Variants in FNBP1 observed in about 807,000 individuals in gnomAD.
The protein encoded by FNBP1 is formin binding protein 1, also known as formin-binding protein 1.
FNBP1 carries 26 observed loss-of-function variants against 90.6 expected under a neutral mutation model. The ratio of observed to expected loss-of-function variants is 0.29; its 90% CI spans 0.21 to 0.40. FNBP1 has a LOEUF of 0.40. Ranked by LOEUF, FNBP1 falls within the 10% of genes least tolerant of loss-of-function variation. The pLI is 1.00. For missense variants in FNBP1, 635 were observed against 768.0 expected (o/e 0.83, Z 2.05); for synonymous variants, 260 against 265.2 (o/e 0.98, Z 0.19).
chr9:130,010,647 A>G (rs2056416725), intron 1 of FNBP1, among the ~76,000 whole-genome samples: 2 of 152,012 alleles, frequency 1.3e-5, no homozygotes, highest in Admixed American at 1.3e-4. Flanking sequence ...CTTTTTGATG[A>G]CAATTTCTCA....
chr9:129,958,827 G>A (rs2047337974), intron 4 of FNBP1, among the ~76,000 whole-genome samples: 1 of 150,684 alleles, frequency 6.6e-6, no homozygotes, highest in Non-Finnish European at 1.5e-5. Context: ...CAAAAAAATA[G>A]AAAAATTAGC....
chr9:129,936,710 G>C (rs772211904), intron 6 of FNBP1, among the ~76,000 whole-genome samples: 1 of 152,152 alleles, frequency 6.6e-6, no homozygotes, highest in South Asian at 2.1e-4. Flanking sequence ...GACGTGGCCA[G>C]GTAAATGAGA....
chr9:130,045,452 A>G (rs1264574012), upstream of FNBP1, among the ~76,000 whole-genome samples: 3 of 152,210 alleles, frequency 2.0e-5, no homozygotes, highest in Non-Finnish European at 4.4e-5. Flanking sequence ...AAAAACAGTG[A>G]CCACTTGTGA....
At chr9:129,969,667 T>C (rs929853944) in intron 4 of FNBP1, among the ~76,000 whole-genome samples, 1 of 151,924 alleles carries the variant, frequency 6.6e-6, no homozygotes, top group Non-Finnish European at 1.5e-5. Context: ...CCCAGCACTT[T>C]GAAAGGCCGA....
chr9:129,972,169 G>A (rs1293774310), intron 4 of FNBP1, among the ~76,000 whole-genome samples: 2 of 151,812 alleles, frequency 1.3e-5, no homozygotes, highest in Admixed American at 6.6e-5. Flanking sequence ...AGTCTTGCTC[G>A]GTCGCCCAGG....
chr9:130,028,997 C>T (rs1203542838), intron 1 of FNBP1, among the ~76,000 whole-genome samples: 2 of 152,212 alleles, frequency 1.3e-5, no homozygotes, highest in Non-Finnish European at 2.9e-5. Flanking sequence ...TTCTCCGTCT[C>T]ATTCCCTTGT....
At chr9:129,936,933 G>A (rs961965126) in intron 6 of FNBP1, among the ~76,000 whole-genome samples, 1 of 152,216 alleles carries the variant, frequency 6.6e-6, no homozygotes, top group African/African-American at 2.4e-5. Context: ...ACTTTGGGAG[G>A]CTGAGGCAGG....
intron 15 of FNBP1, among the ~76,000 whole-genome samples, chr9:129,896,652 TTG>T (rs1220206726): frequency 3.3e-5 from 5 of 149,776 alleles, no homozygotes; most frequent in Admixed American, 1.3e-4. Context: ...AATTTTTTTG[TTG>T]TTGTTGTTTG....
Position 129,889,638 on chromosome 9 carries a change from C to T in FNBP1, c.*901G>A. 1 of 229,072 alleles carries T rather than the reference C, an allele frequency of 4.4e-6. No individual in the cohort carries two copies. Among genetic ancestry groups the T allele is most frequent in the Non-Finnish European group, 8.7e-6 (1 of 115,536 alleles). The allele number at this position is 229,072 out of a possible 1,614,324, so 14.2% of individuals were successfully genotyped here. ...TTTTCAGATGCTAATCCTGGGGCTCCTGGAAAGGAGAGGATGTTCGCTTTG... is the reference window on the plus strand; with the variant it reads ...TTTTCAGATGCTAATCCTGGGGCTCTTGGAAAGGAGAGGATGTTCGCTTTG... On this transcript the variant is annotated 3_prime_UTR_variant, in exon 17 of 17. Coordinates refer to ENST00000446176, the MANE Select transcript of FNBP1 (RefSeq NM_015033.3).
intron 4 of FNBP1, among the ~76,000 whole-genome samples, chr9:129,965,737 GAA>G (rs1564453150): frequency 1.5e-5 from 2 of 131,948 alleles, no homozygotes; most frequent in East Asian, 5.2e-4. Flanking sequence ...GAAAGAAAAA[GAA>G]AAGAAGAAAG....
At chr9:129,959,031 T>C (rs1391411764) in intron 4 of FNBP1, among the ~76,000 whole-genome samples, 1 of 83,272 alleles carries the variant, frequency 1.2e-5, no homozygotes, top group Non-Finnish European at 2.5e-5. Flanking sequence ...AAAAGCTTAA[T>C]GTGGAAACGA....
intron 2 of FNBP1, among the ~76,000 whole-genome samples, chr9:129,989,933 G>A (rs1448924374): frequency 3.9e-5 from 6 of 152,080 alleles, no homozygotes; most frequent in Non-Finnish European, 4.4e-5. Context: ...AGCTACTTGG[G>A]AGGCTGTGGT....
chr9:130,037,791 G>A (rs1192737938), intron 1 of FNBP1, among the ~76,000 whole-genome samples: 2 of 152,092 alleles, frequency 1.3e-5, no homozygotes, highest in Non-Finnish European at 2.9e-5. Context: ...TTTTACAACT[G>A]CCGAAGTGCA....
intron 1 of FNBP1, among the ~76,000 whole-genome samples, chr9:130,022,991 CA>C (rs1431733632): frequency 2.0e-5 from 3 of 151,818 alleles, no homozygotes; most frequent in Middle Eastern, 3.4e-3. Context: ...AAAACAAAAA[CA>C]AAAAACAGAA....
intron 15 of FNBP1, among the ~76,000 whole-genome samples, chr9:129,899,170 C>T (rs1053997633): frequency 1.3e-5 from 2 of 151,804 alleles, no homozygotes; most frequent in East Asian, 2.0e-4. Context: ...CTCCGCCTCC[C>T]GGGTTCAAGT....
intron 9 of FNBP1, among the ~76,000 whole-genome samples, 161 bp downstream of exon 9, chr9:129,924,799 C>T (rs540756131): frequency 6.6e-6 from 1 of 152,230 alleles, no homozygotes; most frequent in South Asian, 2.1e-4. Context: ...GGCAAAGATA[C>T]CACCACCAAA....
At chr9:129,915,563 C>T (rs903364695) in intron 11 of FNBP1, among the ~76,000 whole-genome samples, 2 of 152,102 alleles carry the variant, frequency 1.3e-5, no homozygotes, top group Non-Finnish European at 2.9e-5. Flanking sequence ...GGGGTTTCAC[C>T]GTGTTGCCCG....
chr9:129,908,523 C>CT (rs1478919551), intron 12 of FNBP1, among the ~76,000 whole-genome samples: 1 of 147,424 alleles, frequency 6.8e-6, no homozygotes, highest in African/African-American at 2.5e-5. Context: ...AATTTCTTTT[C>CT]TTTTAATTTT....
intron 11 of FNBP1, among the ~76,000 whole-genome samples, chr9:129,911,512 G>C (rs2039270589): frequency 6.6e-6 from 1 of 152,186 alleles, no homozygotes; most frequent in African/African-American, 2.4e-5. Flanking sequence ...AAGAGGACAG[G>C]GTTTTTGGGG....
Sources: gnomAD v4.1 joint callset for allele counts (sites outside exome capture counted in the v4.1 genomes callset) on GRCh38, gnomAD v4.1.1 for gene constraint, MANE v1.5 for transcripts, NCBI Gene and HGNC (gene_info 2026-07-23, HGNC 2026-07-21) for gene names.